The following KCTD8 variants were observed in gnomAD, a reference collection of about 807,000 sequenced individuals.
KCTD8 encodes the protein potassium channel tetramerization domain containing 8, also known as BTB/POZ domain-containing protein KCTD8.
KCTD8 carries 27 observed loss-of-function variants against 31.5 expected under a neutral mutation model. That is an observed-to-expected ratio of 0.86 (90% CI 0.63 to 1.18). The LOEUF (loss-of-function observed/expected upper bound fraction) is 1.18, where lower values mean the gene tolerates loss of function less well. Ranked by LOEUF, KCTD8 falls within the 50% of genes most tolerant of loss-of-function variation. The probability of loss-of-function intolerance (pLI) is 0.00; values close to 1 mark genes in which losing one functional copy is unlikely to be tolerated. For missense variants in KCTD8, 658 were observed against 647.7 expected (o/e 1.02, Z -0.17); for synonymous variants, 290 against 280.0 (o/e 1.04, Z -0.36).
intron 1 of KCTD8, among the ~76,000 whole-genome samples, chr4:44,271,455 T>C (rs1716596883): frequency 6.6e-6 from 1 of 152,150 alleles, no homozygotes; most frequent in Non-Finnish European, 1.5e-5. Flanking sequence ...TGTCACAGTT[T>C]ACTGAGTGTG....
intron 1 of KCTD8, among the ~76,000 whole-genome samples, chr4:44,349,440 A>G (rs1254910567): frequency 6.6e-6 from 1 of 152,198 alleles, no homozygotes; most frequent in Non-Finnish European, 1.5e-5. Context: ...ATTGTCCAAC[A>G]TCGGGCAGGA....
At chr4:44,285,915 G>C (rs866462350) in intron 1 of KCTD8, among the ~76,000 whole-genome samples, 2 of 151,822 alleles carry the variant, frequency 1.3e-5, no homozygotes, top group African/African-American at 4.8e-5. Flanking sequence ...TTATTCATGG[G>C]AGAAGAACAA....
intron 1 of KCTD8, among the ~76,000 whole-genome samples, chr4:44,195,624 C>A (rs1346149581): frequency 1.3e-5 from 2 of 152,112 alleles, no homozygotes; most frequent in African/African-American, 4.8e-5. Flanking sequence ...CTAGAAAAAA[C>A]TTTATAATTA....
chr4:44,266,883 G>A (rs1357198459), intron 1 of KCTD8, among the ~76,000 whole-genome samples: 3 of 151,624 alleles, frequency 2.0e-5, no homozygotes, highest in Non-Finnish European at 4.4e-5. Context: ...GGAGCACCCA[G>A]ATTCATAAAG....
Position 44,448,741 on chromosome 4 carries a change from C to T in KCTD8, c.-218G>A, listed in dbSNP as rs1320328631. ...GAGACGCGCGAGAGAGGAGCTCCGC[C>T]GGTGCGGCGGCGGCAATGGAGAGGC... On this transcript the variant is annotated 5_prime_UTR_variant, in exon 1 of 2. Transcript: ENST00000360029. This position sits in a 1 kb window ranked among gnomAD's most constrained non-coding sequence, Gnocchi z 4.1. 6 of 402,790 alleles carry T rather than the reference C, an allele frequency of 1.5e-5. No individual in the cohort carries two copies. The South Asian group carries it at 3.7e-4, about 25-fold the overall frequency. 25.0% of individuals were successfully genotyped at this position (402,790 alleles called of 1,614,324 possible).
intron 1 of KCTD8, among the ~76,000 whole-genome samples, chr4:44,418,715 C>T (rs1463026612): frequency 6.6e-6 from 1 of 152,160 alleles, no homozygotes; most frequent in Admixed American, 6.6e-5. Context: ...AGTTGTGTTA[C>T]CTTGATCAAA....
intron 1 of KCTD8, among the ~76,000 whole-genome samples, chr4:44,432,894 T>C (rs1330452453): frequency 4.6e-5 from 7 of 151,742 alleles, no homozygotes; most frequent in Non-Finnish European, 5.9e-5. Flanking sequence ...AAGTACACAT[T>C]CTTTGCACTT....
chr4:44,274,821 A>C (rs10005427), intron 1 of KCTD8, among the ~76,000 whole-genome samples: 82,718 of 151,392 alleles, frequency 0.55, 23,499 homozygotes, highest in African/African-American at 0.72. Flanking sequence ...GGCCAGGCAA[A>C]TTGCTATAAA....
chr4:44,296,820 C>T (rs1177945001), intron 1 of KCTD8, among the ~76,000 whole-genome samples: 1 of 151,892 alleles, frequency 6.6e-6, no homozygotes, highest in African/African-American at 2.4e-5. Flanking sequence ...CTAAAATACA[C>T]ACTGCCTCTG....
At chr4:44,306,487 G>A (rs574037551) in intron 1 of KCTD8, among the ~76,000 whole-genome samples, 1 of 151,946 alleles carries the variant, frequency 6.6e-6, no homozygotes, top group Non-Finnish European at 1.5e-5. Context: ...AAAAGGTATT[G>A]CTTGAATTCT....
intron 1 of KCTD8, among the ~76,000 whole-genome samples, chr4:44,191,287 C>T (rs796613645): frequency 9.2e-5 from 14 of 152,168 alleles, no homozygotes; most frequent in African/African-American, 2.9e-4. Context: ...CACCTCAGGA[C>T]CCTGTGATGA....
chr4:44,287,745 G>A (rs929689222), intron 1 of KCTD8, among the ~76,000 whole-genome samples: 2 of 152,100 alleles, frequency 1.3e-5, no homozygotes, highest in African/African-American at 4.8e-5. Flanking sequence ...ATTTACCACT[G>A]TAACTTTTCT....
chr4:44,346,190 A>G (rs1222166500), intron 1 of KCTD8, among the ~76,000 whole-genome samples: 1 of 152,168 alleles, frequency 6.6e-6, no homozygotes, highest in East Asian at 1.9e-4. Context: ...GATCACATGT[A>G]CATTTCTATA....
chr4:44,203,531 T>C (rs978437718), intron 1 of KCTD8, among the ~76,000 whole-genome samples: 18 of 141,762 alleles, frequency 1.3e-4, no homozygotes, highest in African/African-American at 4.4e-4. Flanking sequence ...AAAAAATAAA[T>C]GAGCTAAGCA....
At chr4:44,235,109 T>C (rs767720059) in intron 1 of KCTD8, among the ~76,000 whole-genome samples, 4 of 151,356 alleles carry the variant, frequency 2.6e-5, no homozygotes, top group Non-Finnish European at 5.9e-5. Flanking sequence ...ATGATGATGA[T>C]GATGACAATG....
chr4:44,348,516 T>A (rs950250501), intron 1 of KCTD8, among the ~76,000 whole-genome samples: 11 of 152,324 alleles, frequency 7.2e-5, no homozygotes, highest in African/African-American at 2.4e-4. Flanking sequence ...TTCTGTTTTT[T>A]TGATCAATGA....
intron 1 of KCTD8, among the ~76,000 whole-genome samples, chr4:44,303,814 G>GAA (rs202178650): frequency 4.1e-5 from 6 of 145,988 alleles, no homozygotes; most frequent in Non-Finnish European, 6.0e-5. Flanking sequence ...CCCTGTCTGA[G>GAA]AAAAAAAAAA....
intron 1 of KCTD8, among the ~76,000 whole-genome samples, chr4:44,339,067 A>G (rs954569440): frequency 2.0e-5 from 3 of 152,240 alleles, no homozygotes; most frequent in Non-Finnish European, 2.9e-5. Flanking sequence ...TTTAGGGTTA[A>G]TAAAGTGATT....
chr4:44,219,949 T>C (rs1007851568), intron 1 of KCTD8, among the ~76,000 whole-genome samples: 2 of 152,216 alleles, frequency 1.3e-5, no homozygotes, highest in African/African-American at 4.8e-5. Flanking sequence ...TTTATGAATA[T>C]AAAAATGTTG....
Sources: gnomAD v4.1 joint callset for allele counts (sites outside exome capture counted in the v4.1 genomes callset) on GRCh38, gnomAD v4.1.1 for gene constraint, Gnocchi (gnomAD v3.1) non-coding constraint, MANE v1.5 for transcripts, NCBI Gene and HGNC (gene_info 2026-07-23, HGNC 2026-07-21) for gene names.